Variants in DBF4B observed in about 807,000 individuals in gnomAD.
DBF4B encodes DBF4B-CDC7 kinase regulatory subunit.
Under a neutral mutation model 53.4 loss-of-function variants are expected in DBF4B, and 49 were observed. That is an observed-to-expected ratio of 0.92 (90% CI 0.73 to 1.16). The LOEUF is 1.16. DBF4B is among the 50% of genes most tolerant of loss of function. DBF4B has a pLI of 0.00. For missense variants in DBF4B, 692 were observed against 775.0 expected (o/e 0.89, Z 1.27); for synonymous variants, 257 against 288.7 (o/e 0.89, Z 1.11).
intron 7 of DBF4B, among the ~76,000 whole-genome samples, chr17:44,735,885 T>A (rs376741387): frequency 2.4e-4 from 36 of 152,352 alleles, no homozygotes; most frequent in East Asian, 1.3e-3. Context: ...CTGATTTTTT[T>A]ATTTTATTCC....
chr17:44,750,781 C>T lies in DBF4B; in HGVS notation c.1376C>T (p.Ser459Phe). 1 of 1,614,232 alleles carries T rather than the reference C, an allele frequency of 6.2e-7. No homozygotes were observed. Among genetic ancestry groups the T allele is most frequent in the East Asian group, 2.2e-5 (1 of 44,872 alleles). ...ASFTQSHLVT[S>F]LALLPGEWSP... ...TTTACCCAGTCTCATCTGGTCACTT[C>T]CTTGGCTCTGCTGCCTGGGGAGTGG... The change falls in exon 14 of 14, where the codon TCC becomes TTC. Residue 459 changes from serine (S) to phenylalanine (F), a missense_variant. Around this residue, in one of 3 missense-constraint regions of DBF4B, gnomAD observed 597 missense variants for 665.8 expected, o/e 0.90. Coordinates refer to ENST00000315005, the MANE Select transcript of DBF4B (RefSeq NM_145663.3).
intron 6 of DBF4B, 164 bp from the exon 7 acceptor site, chr17:44,733,926 C>G (rs1312722654): frequency 1.1e-5 from 7 of 619,294 alleles, no homozygotes; most frequent in Non-Finnish European, 2.0e-5. Context: ...TTAACCTCCG[C>G]TGTCAGGAGA....
chr17:44,727,864 ATTT>A (rs756222247), intron 3 of DBF4B, among the ~76,000 whole-genome samples: 112 of 106,726 alleles, frequency 1.0e-3, no homozygotes, highest in East Asian at 3.8e-3. Context: ...TGCCCGGGTA[ATTT>A]TTTTTTTTTT....
At chr17:44,745,698 A>C (rs143905296) in intron 10 of DBF4B, among the ~76,000 whole-genome samples, 177 of 152,338 alleles carry the variant, frequency 1.2e-3, no homozygotes, top group African/African-American at 4.0e-3. Flanking sequence ...TGGGGACACA[A>C]AGCCTAACCA....
At chr17:44,716,104 G>A (rs1343590724) in intron 2 of DBF4B, among the ~76,000 whole-genome samples, 1 of 151,950 alleles carries the variant, frequency 6.6e-6, no homozygotes, top group Non-Finnish European at 1.5e-5. Flanking sequence ...GATTACAAAC[G>A]TGAGCCACCA....
intron 10 of DBF4B, among the ~76,000 whole-genome samples, chr17:44,742,624 G>A (rs1338329912): frequency 6.6e-6 from 1 of 152,038 alleles, no homozygotes; most frequent in East Asian, 1.9e-4. Flanking sequence ...CAAAATATCT[G>A]ATGATGGAGC....
chr17:44,717,422 C>G (rs1428410703), intron 2 of DBF4B, among the ~76,000 whole-genome samples: 1 of 152,070 alleles, frequency 6.6e-6, no homozygotes, highest in Non-Finnish European at 1.5e-5. Flanking sequence ...TTAAAAAAAT[C>G]CAGGCTGGGC....
intron 1 of DBF4B, 43 bp downstream of exon 1, chr17:44,708,882 G>C: frequency 6.5e-7 from 1 of 1,548,892 alleles, no homozygotes; most frequent in South Asian, 1.2e-5. Context: ...GGAAGGGGTC[G>C]TTAATAGCTG....
chr17:44,738,541 A>C (rs1598837810), intron 9 of DBF4B, 117 bp downstream of exon 9: 1 of 1,028,516 alleles, frequency 9.7e-7, no homozygotes, highest in Non-Finnish European at 1.4e-6. Context: ...TTAACCCTGC[A>C]CCTTCATCTT....
Position 44,722,972 on chromosome 17 carries a change from G to A in DBF4B, c.175G>A (p.Ala59Thr). The change falls in exon 3 of 14, where the codon GCT becomes ACT. Residue 59 changes from alanine (A) to threonine (T), a missense_variant. This residue lies in a region of DBF4B where 29 missense variants were observed against 57.8 expected (regional missense o/e 0.50). Coordinates refer to ENST00000315005, the MANE Select transcript of DBF4B (RefSeq NM_145663.3). ...SGKSFYLDLP[A>T]GKNLQFLTGA... ...AAAGTCCTTTTACTTGGATCTGCCTGCTGGCAAGAATCTCCAGTTTTTGAC... is the reference window on the plus strand; with the variant it reads ...AAAGTCCTTTTACTTGGATCTGCCTACTGGCAAGAATCTCCAGTTTTTGAC... 6.2e-7 allele frequency: 1 copy of A among 1,614,144 alleles called. No homozygotes were observed. The highest frequency in any genetic ancestry group is 8.5e-7 in the Non-Finnish European group (1 of 1,179,984).
intron 13 of DBF4B, chr17:44,748,668 C>G (rs2049176897): frequency 1.4e-6 from 2 of 1,465,630 alleles, no homozygotes; most frequent in Non-Finnish European, 1.8e-6. Context: ...TGGAACTCTC[C>G]TCTGGCCCAG....
Position 44,751,608 on chromosome 17 carries a change from A to G in DBF4B, c.*355A>G, listed in dbSNP as rs2049278880. 7 of 1,354,086 alleles carry G rather than the reference A, an allele frequency of 5.2e-6. No individual in the cohort carries two copies. Among genetic ancestry groups the G allele is most frequent in the South Asian group, 1.8e-5 (1 of 56,256 alleles). The allele number at this position is 1,354,086 out of a possible 1,614,324, so 83.9% of individuals were successfully genotyped here. A position where few individuals can be genotyped will look rare whatever the true frequency, so the allele number is the denominator to read the frequency against. On this transcript the variant is annotated 3_prime_UTR_variant, in exon 14 of 14. Transcript: ENST00000315005. ...AAAATGCCATGCTCCTCTCCTGGAA[A>G]ACACTTGAGTTGATTCAGTAAATCG...
At position 44,751,538 on chromosome 17, in the gene DBF4B, CT is replaced by C. The variant is rs754026248; in HGVS notation, c.*287del. The C allele has an allele frequency of 3.8e-5, 50 of 1,330,442 alleles. No individual in the cohort carries two copies. The highest frequency in any genetic ancestry group is 4.7e-5 in the Non-Finnish European group (49 of 1,043,258). 82.4% of individuals were successfully genotyped at this position (1,330,442 alleles called of 1,614,324 possible). On this transcript the variant is annotated 3_prime_UTR_variant, in exon 14 of 14. Transcript: ENST00000315005. ...CCTCCAGCCCACCTCGCCAACCACT[CT>C]TGTTGGTTTCCTTCTCAGACTTGCC...
At chr17:44,729,565 G>C (rs928638116) in intron 3 of DBF4B, among the ~76,000 whole-genome samples, 9 of 151,950 alleles carry the variant, frequency 5.9e-5, no homozygotes, top group African/African-American at 2.2e-4. Flanking sequence ...ATCCTTTCCA[G>C]CTCTTTCAGT....
intron 7 of DBF4B, 144 bp from the exon 8 acceptor site, chr17:44,736,686 C>T (rs1975472538): frequency 1.2e-6 from 1 of 822,270 alleles, no homozygotes; most frequent in East Asian, 2.6e-5. Context: ...TGCTCCAGCT[C>T]AGGGCCTGAG....
At chr17:44,729,775 T>C in intron 3 of DBF4B, 130 bp from the exon 4 acceptor site, 1 of 912,208 alleles carries the variant, frequency 1.1e-6, no homozygotes, top group Non-Finnish European at 1.6e-6. Flanking sequence ...GGTATGAAAC[T>C]GCATTTAGTC....
At chr17:44,742,551 A>G (rs550944706) in intron 10 of DBF4B, among the ~76,000 whole-genome samples, 4 of 152,242 alleles carry the variant, frequency 2.6e-5, no homozygotes, top group African/African-American at 9.6e-5. Context: ...ACTGCACTCC[A>G]GCCTGGGTGA....
chr17:44,743,758 C>A (rs974936514), intron 10 of DBF4B, among the ~76,000 whole-genome samples: 1 of 151,922 alleles, frequency 6.6e-6, no homozygotes, highest in Non-Finnish European at 1.5e-5. Context: ...TTACAGTGCA[C>A]ACCACCTCGC....
intron 2 of DBF4B, among the ~76,000 whole-genome samples, chr17:44,715,796 ATTTCTTTC>A (rs1555673297): frequency 1.2e-4 from 11 of 90,342 alleles, no homozygotes; most frequent in Admixed American, 3.4e-4. Flanking sequence ...TGTTAGCCTA[ATTTCTTTC>A]TTTCTTTCTT....
Sources: allele counts gnomAD v4.1 joint callset (sites outside exome capture counted in the v4.1 genomes callset), GRCh38; gene constraint gnomAD v4.1.1; regional missense constraint gnomAD v4.1.1; transcripts MANE v1.5; gene names NCBI Gene and HGNC (gene_info 2026-07-23, HGNC 2026-07-21).